Variants in DSC3 observed in about 807,000 individuals in gnomAD.
DSC3 encodes desmocollin-3.
Under a neutral mutation model 89.5 loss-of-function variants are expected in DSC3, and 97 were observed. That is an observed-to-expected ratio of 1.08 (90% CI 0.92 to 1.28). DSC3 has a LOEUF of 1.28. DSC3 is among the 50% of genes most tolerant of loss of function. The pLI is 0.00. For missense variants in DSC3, 1,199 were observed against 1,085.3 expected (o/e 1.10, Z -1.47); for synonymous variants, 436 against 384.1 (o/e 1.14, Z -1.58).
At chr18:31,013,824 G>A (rs1222984908) in intron 9 of DSC3, among the ~76,000 whole-genome samples, 1 of 152,016 alleles carries the variant, frequency 6.6e-6, no homozygotes, top group East Asian at 1.9e-4. Context: ...CCTTTCTGGA[G>A]GACAATCAGG....
rs1196444633 is a variant in DSC3, at chr18:30,995,971, TAAAAAAAAAAAA to T, written c.2493+808_2493+819del. Among the ~76,000 whole-genome samples the T allele has an allele frequency of 1.8e-3, 68 of 37,022 alleles. No homozygotes were observed. In the South Asian group the frequency reaches 0.056, roughly 31 times the overall value. The allele number at this position is 37,022 out of a possible 152,430, so 24.3% of individuals were successfully genotyped here. A position where few individuals can be genotyped will look rare whatever the true frequency, so the allele number is the denominator to read the frequency against. On this transcript the variant is annotated intron_variant, in intron 15 of 15. Transcript: ENST00000360428. Reference sequence around the variant, plus strand: ...TCAGCGACAGAGCAAGACCCTGCCTTAAAAAAAAAAAAAAAAAAAAAAAAAAAAGAAAAGAAA... The same window carrying T: ...TCAGCGACAGAGCAAGACCCTGCCTTAAAAAAAAAAAAAAAAGAAAAGAAA...
intron 9 of DSC3, among the ~76,000 whole-genome samples, chr18:31,009,740 C>A (rs1984993646): frequency 6.6e-6 from 1 of 152,154 alleles, no homozygotes; most frequent in African/African-American, 2.4e-5. Context: ...TTGACCTCAT[C>A]CTCATTTTAC....
intron 1 of DSC3, among the ~76,000 whole-genome samples, chr18:31,034,265 G>A (rs1267219684): frequency 6.6e-6 from 1 of 152,130 alleles, no homozygotes; most frequent in African/African-American, 2.4e-5. Flanking sequence ...ATATTAAAAT[G>A]GCCAAAAAGT....
chr18:31,028,739 A>G (rs891837488), intron 4 of DSC3, among the ~76,000 whole-genome samples: 1 of 152,122 alleles, frequency 6.6e-6, no homozygotes, highest in Non-Finnish European at 1.5e-5. Context: ...TGCATGTTCT[A>G]TTACCTTAAT....
At chr18:31,037,167 T>C (rs763193699) in intron 1 of DSC3, among the ~76,000 whole-genome samples, 4 of 152,206 alleles carry the variant, frequency 2.6e-5, no homozygotes, top group Non-Finnish European at 4.4e-5. Context: ...ACATTTATCT[T>C]AGATACATTG....
intron 1 of DSC3, 76 bp downstream of exon 1, chr18:31,042,516 C>G (rs1423982408): frequency 1.4e-6 from 2 of 1,443,988 alleles, no homozygotes; most frequent in African/African-American, 2.8e-5. Flanking sequence ...CCCGCTTTGT[C>G]CCCAGCTCCG....
rs8087664 is a variant in DSC3 at position 31,006,580 on chromosome 18, A to G, written c.1888+327T>C. On this transcript the variant is annotated intron_variant, in intron 12 of 15. Transcript: ENST00000360428. ...CTCCCAAAGTGCTGGGATTACAGGC[A>G]TGAGTCACCATGCCCAGCCATTGGC... Among the ~76,000 whole-genome samples, 18,927 of 152,114 alleles carry G rather than the reference A, an allele frequency of 0.12. 1,409 individuals are homozygous for G. Among genetic ancestry groups the G allele is most frequent in the African/African-American group, 0.21 (8,547 of 41,480 alleles).
chr18:31,024,081 A>G (rs560845580), intron 6 of DSC3, among the ~76,000 whole-genome samples: 163 of 152,284 alleles, frequency 1.1e-3, no homozygotes, highest in African/African-American at 3.9e-3. Context: ...AATAAAATAT[A>G]TAAACTGAAT....
At chr18:31,038,494 T>C (rs1449042798) in intron 1 of DSC3, among the ~76,000 whole-genome samples, 4 of 152,332 alleles carry the variant, frequency 2.6e-5, no homozygotes, top group East Asian at 3.9e-4. Context: ...TATCTATTCA[T>C]GTTATTTTAC....
chr18:30,998,597 C>A (rs562314893), intron 14 of DSC3, among the ~76,000 whole-genome samples: 13 of 151,842 alleles, frequency 8.6e-5, no homozygotes, highest in African/African-American at 2.9e-4. Flanking sequence ...AATTGTCAAC[C>A]AAAATAAAAA....
intron 15 of DSC3, among the ~76,000 whole-genome samples, chr18:30,995,669 TA>T (rs1401799298): frequency 1.3e-5 from 2 of 152,158 alleles, no homozygotes; most frequent in East Asian, 1.9e-4. Flanking sequence ...AGTTATGTTT[TA>T]AAAGCTTCAT....
At chr18:30,995,400 A>G (rs543509131) in intron 15 of DSC3, among the ~76,000 whole-genome samples, 1 of 152,300 alleles carries the variant, frequency 6.6e-6, no homozygotes, top group East Asian at 1.9e-4. Context: ...AATGCTATGG[A>G]TACATAACCT....
rs1984872203 is a variant in DSC3 at position 31,007,052 on chromosome 18, A to T, written c.1743T>A (p.Tyr581Ter). The change falls in exon 12 of 16, where the codon TAT becomes TAA. Residue 581 changes from tyrosine to a stop codon, truncating the protein, a stop_gained. Transcript: ENST00000360428. LOFTEE classifies it high-confidence loss of function. The stretch of plus-strand genomic sequence containing the variant: ...CCATTTTTGGTTTGCAAATGACTAC[A>T]TATTCTTGAAGTATTTCTGGTGGAT... Reference protein sequence around the residue: ...NDNPPEILQEYVVICKPKMGY... With the variant: ...NDNPPEILQE 1.1e-5 allele frequency: 18 copies of T among 1,613,970 alleles called. No homozygotes were observed. The highest frequency in any genetic ancestry group is 1.4e-5 in the Non-Finnish European group (17 of 1,179,926).
At chr18:31,024,586 C>T in intron 5 of DSC3, 93 bp from the exon 6 acceptor site, 1 of 1,372,660 alleles carries the variant, frequency 7.3e-7, no homozygotes, top group Admixed American at 2.4e-5. Context: ...CAAATCTTTT[C>T]AATAATAAAC....
intron 12 of DSC3, among the ~76,000 whole-genome samples, chr18:31,004,805 G>T (rs1013036592): frequency 6.6e-6 from 1 of 152,162 alleles, no homozygotes; most frequent in African/African-American, 2.4e-5. Context: ...AAGCACAATA[G>T]ATTGTTTACG....
intron 15 of DSC3, among the ~76,000 whole-genome samples, chr18:30,996,004 A>AAAAAAAAAAAAAG (rs1380162048): frequency 7.7e-5 from 11 of 143,738 alleles, no homozygotes; most frequent in African/African-American, 2.8e-4. Flanking sequence ...AAAAAAGAAA[A>AAAAAAAAAAAAAG]GAAAGAAAAA....
chr18:31,027,500 T>TTCCTTCCTTCC lies in DSC3; in HGVS notation c.475-1586_475-1585insGGAAGGAAGGA, dbSNP rs1254953044. ...CCTTCCTTCCTTCCTTCCTTCCTTC[T>TTCCTTCCTTCC]TTCCTTCCTTTTCTGCAATAGCATA... On this transcript the variant is annotated intron_variant, in intron 4 of 15. Coordinates refer to ENST00000360428, the MANE Select transcript of DSC3 (RefSeq NM_001941.5). Among the ~76,000 whole-genome samples the TTCCTTCCTTCC allele has an allele frequency of 1.6e-4, 12 of 74,684 alleles. No homozygotes were observed. The East Asian group carries it at 0.01, about 65-fold the overall frequency. The allele number at this position is 74,684 out of a possible 152,430, so 49.0% of individuals were successfully genotyped here.
At chr18:31,004,571 G>A (rs1490672976) in intron 12 of DSC3, among the ~76,000 whole-genome samples, 1 of 152,126 alleles carries the variant, frequency 6.6e-6, no homozygotes, top group Non-Finnish European at 1.5e-5. Flanking sequence ...TTAGAAGGGA[G>A]CCCTAAAGAA....
At chr18:31,014,922 G>A (rs971299238) in intron 9 of DSC3, among the ~76,000 whole-genome samples, 3 of 151,954 alleles carry the variant, frequency 2.0e-5, no homozygotes, top group Non-Finnish European at 2.9e-5. Flanking sequence ...TGGTTGTTGT[G>A]TTTTTGGGGT....
Sources: allele counts gnomAD v4.1 joint callset (sites outside exome capture counted in the v4.1 genomes callset), GRCh38; gene constraint gnomAD v4.1.1; transcripts MANE v1.5; gene names NCBI Gene and HGNC (gene_info 2026-07-23, HGNC 2026-07-21).